MAGI1: variants seen among roughly 807,000 people sequenced by gnomAD.
MAGI1 encodes membrane-associated guanylate kinase, WW and PDZ domain-containing protein 1.
MAGI1 carries 58 observed loss-of-function variants against 139.9 expected under a neutral mutation model. The observed-to-expected ratio is 0.41, with a 90% CI of 0.34 to 0.52. MAGI1 has a LOEUF of 0.52. MAGI1 is among the 20% of genes least tolerant of loss of function. The pLI is 0.12. For synonymous variants in MAGI1, 812 were observed against 737.9 expected (o/e 1.10, Z -1.63); for missense variants, 1,874 against 1,901.6 (o/e 0.99, Z 0.27).
intron 1 of MAGI1, among the ~76,000 whole-genome samples, chr3:65,792,290 C>A (rs962350299): frequency 6.6e-6 from 1 of 151,952 alleles, no homozygotes; most frequent in Non-Finnish European, 1.5e-5. Flanking sequence ...CATGGTGAAA[C>A]CCCGTCTCTA....
At chr3:65,857,875 G>T (rs150998257) in intron 1 of MAGI1, among the ~76,000 whole-genome samples, 4 of 152,212 alleles carry the variant, frequency 2.6e-5, no homozygotes, top group Non-Finnish European at 4.4e-5. Flanking sequence ...AGGCAAGAAG[G>T]GGGGGAACAA....
intron 1 of MAGI1, among the ~76,000 whole-genome samples, chr3:65,744,303 G>A (rs976043456): frequency 1.3e-5 from 2 of 152,174 alleles, no homozygotes; most frequent in African/African-American, 2.4e-5. Flanking sequence ...ATATATCACA[G>A]AGAACTGGTT....
At chr3:65,561,516 T>C (rs1413363941) in intron 2 of MAGI1, among the ~76,000 whole-genome samples, 1 of 152,134 alleles carries the variant, frequency 6.6e-6, no homozygotes, top group East Asian at 1.9e-4. Flanking sequence ...AGGAACAAGC[T>C]TAGGGGGTCT....
chr3:65,947,092 T>A (rs1025134098), intron 1 of MAGI1, among the ~76,000 whole-genome samples: 1 of 152,216 alleles, frequency 6.6e-6, no homozygotes, highest in African/African-American at 2.4e-5. Flanking sequence ...AGACACTGAA[T>A]AACTTATAAA....
chr3:65,428,237 T>C (rs368116830), intron 12 of MAGI1, among the ~76,000 whole-genome samples: 1 of 152,164 alleles, frequency 6.6e-6, no homozygotes, highest in East Asian at 1.9e-4. Flanking sequence ...AAGGCCTGAA[T>C]ATGTTGTTCA....
chr3:65,685,472 T>C lies in MAGI1; in HGVS notation c.314-63384A>G, dbSNP rs145539849. Among the ~76,000 whole-genome samples the C allele has an allele frequency of 2.4e-4, 36 of 152,316 alleles. No homozygotes were observed. The East Asian group carries it at 6.6e-3, about 28-fold the overall frequency. The stretch of plus-strand genomic sequence containing the variant: ...ATATATCGTTTTCATATTCCAGTGT[T>C]ATAAAAACTGCTTGATATCAAAAGC... On this transcript the variant is annotated intron_variant, in intron 1 of 22. Coordinates refer to ENST00000402939, the MANE Select transcript of MAGI1 (RefSeq NM_001033057.2).
chr3:65,693,200 C>T (rs1039840479), intron 1 of MAGI1, among the ~76,000 whole-genome samples: 2 of 152,200 alleles, frequency 1.3e-5, no homozygotes, highest in South Asian at 2.1e-4. Flanking sequence ...CCGCCTCAGC[C>T]TCCCAAAGTG....
chr3:65,499,090 G>A (rs2076985169), intron 2 of MAGI1: 2 of 929,614 alleles, frequency 2.2e-6, no homozygotes, highest in Non-Finnish European at 2.6e-6. Context: ...ACTCTCATAT[G>A]CTTTGAAAAA....
At chr3:65,762,267 C>T (rs541303306) in intron 1 of MAGI1, among the ~76,000 whole-genome samples, 1 of 152,208 alleles carries the variant, frequency 6.6e-6, no homozygotes, top group South Asian at 2.1e-4. Context: ...AACAGTTCAG[C>T]TCCTTGAACA....
intron 1 of MAGI1, among the ~76,000 whole-genome samples, chr3:65,972,661 T>G (rs1214715498): frequency 6.6e-6 from 1 of 152,120 alleles, no homozygotes; most frequent in Non-Finnish European, 1.5e-5. Context: ...TGAGATCAGC[T>G]GCTAACAATA....
At chr3:65,647,015 G>A (rs2085305489) in intron 1 of MAGI1, among the ~76,000 whole-genome samples, 1 of 151,916 alleles carries the variant, frequency 6.6e-6, no homozygotes, top group African/African-American at 2.4e-5. Flanking sequence ...GAGAAAAGGG[G>A]AAATAATAAG....
chr3:65,535,780 T>C lies in MAGI1; in HGVS notation c.431-42149A>G, dbSNP rs572119220. On this transcript the variant is annotated intron_variant, in intron 2 of 22. Transcript: ENST00000402939. Reference sequence around the variant, plus strand: ...AAATTAATATTTCTTAAAATAGAGATCAGTTAGGTAACCTCTATCTTAATT... The same window carrying C: ...AAATTAATATTTCTTAAAATAGAGACCAGTTAGGTAACCTCTATCTTAATT... 7.9e-4 allele frequency among the ~76,000 whole-genome samples: 121 copies of C among 152,340 alleles called. 1 individual carries two copies. The South Asian group carries it at 0.019, about 23-fold the overall frequency.
At chr3:65,842,486 C>T (rs977254315) in intron 1 of MAGI1, among the ~76,000 whole-genome samples, 2 of 152,014 alleles carry the variant, frequency 1.3e-5, no homozygotes, top group Non-Finnish European at 2.9e-5. Context: ...TCAGCCTTCC[C>T]GAGTAGCTGG....
intron 1 of MAGI1, among the ~76,000 whole-genome samples, chr3:65,946,540 AG>A (rs1257454872): frequency 6.6e-6 from 1 of 152,132 alleles, no homozygotes; most frequent in Non-Finnish European, 1.5e-5. Context: ...AGCATGGACG[AG>A]AACAGCCACC....
At chr3:66,013,406 T>TA (rs35481450) in intron 1 of MAGI1, among the ~76,000 whole-genome samples, 58,701 of 109,840 alleles carry the variant, frequency 0.53, 13,612 homozygotes, top group East Asian at 0.77. Context: ...CTGTCTCAAA[T>TA]AAAAAAAAAA....
chr3:65,937,684 T>G (rs1397519844), intron 1 of MAGI1, among the ~76,000 whole-genome samples: 1 of 151,906 alleles, frequency 6.6e-6, no homozygotes, highest in African/African-American at 2.4e-5. Context: ...ATTTTGTGGG[T>G]TTTTTGGGGT....
rs74695460 is a variant in MAGI1, at chr3:65,960,599, G to A, written c.313+77397C>T. ...AAGGACACTGAAGAGGGGAAAAAGT[G>A]CGTAATCCTAATTTAATTATAATAT... On this transcript the variant is annotated intron_variant, in intron 1 of 22. Transcript: ENST00000402939. Among the ~76,000 whole-genome samples, 1,011 of 152,328 alleles carry A rather than the reference G, an allele frequency of 6.6e-3. 39 individuals are homozygous for A. The East Asian group carries it at 0.1, about 15-fold the overall frequency.
At chr3:65,979,315 G>C (rs992484573) in intron 1 of MAGI1, among the ~76,000 whole-genome samples, 1 of 152,074 alleles carries the variant, frequency 6.6e-6, no homozygotes, top group Non-Finnish European at 1.5e-5. Flanking sequence ...GTAGCCTGTT[G>C]CTTAATCAAA....
intron 1 of MAGI1, among the ~76,000 whole-genome samples, chr3:65,624,703 T>A (rs928913360): frequency 1.4e-4 from 21 of 152,268 alleles, no homozygotes; most frequent in African/African-American, 5.1e-4. Context: ...TCTTCCCCAT[T>A]GGAAATTGAG....
Sources: gnomAD v4.1 joint callset for allele counts (sites outside exome capture counted in the v4.1 genomes callset) on GRCh38, gnomAD v4.1.1 for gene constraint, MANE v1.5 for transcripts, NCBI Gene and HGNC (gene_info 2026-07-23, HGNC 2026-07-21) for gene names.